The following PTPRD variants were observed in gnomAD, a reference collection of about 807,000 sequenced individuals.
PTPRD encodes receptor-type tyrosine-protein phosphatase delta.
A neutral mutation model predicts 214.5 loss-of-function variants in PTPRD; 34 were observed. The ratio of observed to expected loss-of-function variants is 0.16; its 90% CI spans 0.12 to 0.21. The LOEUF is 0.21. Among genes scored for constraint, PTPRD ranks in the 10% least tolerant of loss-of-function variants. PTPRD has a pLI of 1.00. For missense variants in PTPRD, 2,545 were observed against 2,398.7 expected, an observed-to-expected ratio of 1.06 and a Z score of -1.27; for synonymous variants, 1,128 against 845.7, an observed-to-expected ratio of 1.33 and a Z score of -5.79.
chr9:8,875,951 G>A (rs1042678645), intron 11 of PTPRD, among the ~76,000 whole-genome samples: 4 of 152,152 alleles, frequency 2.6e-5, no homozygotes, highest in East Asian at 1.9e-4. Flanking sequence ...TTATGATGCC[G>A]AGACACTGAA....
chr9:9,173,924 C>G (rs150473950), intron 10 of PTPRD, among the ~76,000 whole-genome samples: 37 of 152,216 alleles, frequency 2.4e-4, no homozygotes, highest in African/African-American at 7.9e-4. Flanking sequence ...TACCGGCATG[C>G]TCTTATGTTA....
chr9:10,603,675 T>C lies in PTPRD; in HGVS notation c.-600+8723A>G, dbSNP rs140539881. Among the ~76,000 whole-genome samples, 47 of 152,000 alleles carry C rather than the reference T, an allele frequency of 3.1e-4. No homozygotes were observed. The East Asian group carries it at 8.4e-3, about 27-fold the overall frequency. On this transcript the variant is annotated intron_variant, in intron 2 of 45. Transcript: ENST00000381196. Reference sequence around the variant, plus strand: ...AATGCATGGAAAGCACTTAAAATAGTGACTGGCAGATATGAAGCAGTCAAT... The same window carrying C: ...AATGCATGGAAAGCACTTAAAATAGCGACTGGCAGATATGAAGCAGTCAAT...
intron 9 of PTPRD, among the ~76,000 whole-genome samples, chr9:9,186,606 G>GTC (rs1351844358): frequency 2.1e-3 from 280 of 131,408 alleles, no homozygotes; most frequent in African/African-American, 7.1e-3. Context: ...ACAAGACTCT[G>GTC]TCTCTCTCTC....
At chr9:8,383,575 T>C (rs2085891856) in intron 37 of PTPRD, among the ~76,000 whole-genome samples, 1 of 152,138 alleles carries the variant, frequency 6.6e-6, no homozygotes, top group Non-Finnish European at 1.5e-5. Flanking sequence ...TGATTCCCTA[T>C]TTGGAAACAG....
chr9:10,068,815 T>C (rs1306664398), intron 3 of PTPRD, among the ~76,000 whole-genome samples: 1 of 151,944 alleles, frequency 6.6e-6, no homozygotes, highest in Non-Finnish European at 1.5e-5. Flanking sequence ...TCTCCCTTTT[T>C]TTCACTCTGT....
chr9:9,927,189 A>T (rs2084628970), intron 5 of PTPRD, among the ~76,000 whole-genome samples: 1 of 152,106 alleles, frequency 6.6e-6, no homozygotes, highest in Non-Finnish European at 1.5e-5. Context: ...TCTACTTGTG[A>T]TTTCACTGGG....
intron 8 of PTPRD, among the ~76,000 whole-genome samples, chr9:9,519,585 T>G (rs2096917122): frequency 6.6e-6 from 1 of 151,992 alleles, no homozygotes; most frequent in Non-Finnish European, 1.5e-5. Flanking sequence ...AAAAGTTGGA[T>G]GAAATAAATC....
At chr9:8,920,892 C>T (rs2098822933) in intron 11 of PTPRD, among the ~76,000 whole-genome samples, 1 of 152,182 alleles carries the variant, frequency 6.6e-6, no homozygotes, top group African/African-American at 2.4e-5. Context: ...CGGCTCACCA[C>T]AACCTCTGCC....
At chr9:10,096,563 AATG>A (rs1290813070) in intron 3 of PTPRD, among the ~76,000 whole-genome samples, 29 of 151,772 alleles carry the variant, frequency 1.9e-4, no homozygotes, top group African/African-American at 5.8e-4. Flanking sequence ...GTTCATGTCC[AATG>A]CCCACTTTTT....
chr9:9,934,987 C>T (rs11534218), intron 5 of PTPRD, among the ~76,000 whole-genome samples: 39,175 of 152,012 alleles, frequency 0.26, 5,780 homozygotes, highest in Middle Eastern at 0.46. Context: ...ACATGATTAT[C>T]TCAATAGATA....
intron 21 of PTPRD, among the ~76,000 whole-genome samples, chr9:8,511,867 G>C (rs538939909): frequency 6.6e-6 from 1 of 152,008 alleles, no homozygotes; most frequent in South Asian, 2.1e-4. Flanking sequence ...AAGTACTTGA[G>C]TATTACTATA....
At chr9:9,437,428 G>A (rs1350842984) in intron 8 of PTPRD, among the ~76,000 whole-genome samples, 1 of 98,394 alleles carries the variant, frequency 1.0e-5, no homozygotes, top group Non-Finnish European at 2.0e-5. Context: ...CCCCCTGAGA[G>A]TAATGAGGTG....
chr9:10,214,567 C>T (rs1044775894), intron 3 of PTPRD, among the ~76,000 whole-genome samples: 1 of 151,686 alleles, frequency 6.6e-6, no homozygotes, highest in African/African-American at 2.4e-5. Flanking sequence ...CGAGCTATTG[C>T]ACCCAGCCAA....
intron 3 of PTPRD, among the ~76,000 whole-genome samples, chr9:10,051,596 C>T (rs570146513): frequency 6.6e-6 from 1 of 151,838 alleles, no homozygotes; most frequent in South Asian, 2.1e-4. Flanking sequence ...GCTATCCCTC[C>T]CCACTCCCCC....
intron 22 of PTPRD, among the ~76,000 whole-genome samples, chr9:8,504,840 C>G (rs996613103): frequency 4.6e-5 from 7 of 152,154 alleles, no homozygotes; most frequent in Non-Finnish European, 8.8e-5. Flanking sequence ...CTCCCATGAC[C>G]TTCTGAAATC....
At chr9:8,507,576 C>A in intron 21 of PTPRD, 142 bp from the exon 22 acceptor site, 1 of 943,164 alleles carries the variant, frequency 1.1e-6, no homozygotes, top group Non-Finnish European at 1.6e-6. Context: ...TTACCTTGTC[C>A]AAGTTAACCT....
chr9:8,660,591 G>C (rs2097021878), intron 12 of PTPRD, among the ~76,000 whole-genome samples: 1 of 152,080 alleles, frequency 6.6e-6, no homozygotes, highest in Non-Finnish European at 1.5e-5. Flanking sequence ...GCCCCTCAGT[G>C]AACTTCTCCT....
At chr9:8,667,922 T>C (rs953623288) in intron 12 of PTPRD, among the ~76,000 whole-genome samples, 1 of 152,170 alleles carries the variant, frequency 6.6e-6, no homozygotes, top group African/African-American at 2.4e-5. Flanking sequence ...TCTGAGCCTA[T>C]TCTGGCTTGA....
chr9:9,758,293 T>A (rs567369052), intron 6 of PTPRD, among the ~76,000 whole-genome samples: 6 of 152,116 alleles, frequency 3.9e-5, no homozygotes, highest in Non-Finnish European at 7.4e-5. Flanking sequence ...TATATTTTTA[T>A]TGATGTTTAC....
Sources: allele counts gnomAD v4.1 joint callset (sites outside exome capture counted in the v4.1 genomes callset), GRCh38; gene constraint gnomAD v4.1.1; transcripts MANE v1.5; gene names NCBI Gene and HGNC (gene_info 2026-07-23, HGNC 2026-07-21).